Variants in RECK observed in about 807,000 individuals in gnomAD.
The protein encoded by RECK is reversion inducing cysteine rich protein with kazal motifs.
Under a neutral mutation model 115.1 loss-of-function variants are expected in RECK, and 69 were observed. The observed-to-expected ratio is 0.60, with a 90% CI of 0.49 to 0.73. The LOEUF (loss-of-function observed/expected upper bound fraction) is 0.73. Among genes scored for constraint, RECK ranks in the 30% least tolerant of loss-of-function variants. The probability of loss-of-function intolerance (pLI) is 0.00; values close to 1 mark genes in which losing one functional copy is unlikely to be tolerated. For synonymous variants in RECK, 414 were observed against 419.7 expected, an observed-to-expected ratio of 0.99 and a Z score of 0.17; for missense variants, 1,047 against 1,203.7, an observed-to-expected ratio of 0.87 and a Z score of 1.93.
rs1035683411 is a variant in RECK, at chr9:36,108,020, A to G, written c.1621A>G (p.Thr541Ala). ...EASDFIVRQG[T>A]LIQVPSSAGE... ...TTCTGATTTCATTGTCCGTCAAGGG[A>G]CACTAATCCAGGTGCCATCATCTGC... Residue 541 changes from threonine (T) to alanine (A), a missense_variant, in exon 14 of 21, where the codon ACA becomes GCA. By Grantham distance (58) the Thr-to-Ala change is moderately conservative (BLOSUM62 0). Coordinates refer to ENST00000377966, the MANE Select transcript of RECK (RefSeq NM_021111.3). The G allele has an allele frequency of 1.2e-6, 2 of 1,613,638 alleles. No homozygotes were observed. The highest frequency in any genetic ancestry group is 3.3e-5 in the Admixed American group (2 of 59,906).
chr9:36,112,606 G>T, intron 16 of RECK, 130 bp downstream of exon 16: 1 of 967,294 alleles, frequency 1.0e-6, no homozygotes, highest in South Asian at 1.7e-5. Context: ...TTGGAGTCTG[G>T]AGGGAAAGAG....
chr9:36,108,113 ATGCAC>A lies in RECK; in HGVS notation c.1717_1721del (p.His573TyrfsTer21). 1 of 1,614,064 alleles carries A rather than the reference ATGCAC, an allele frequency of 6.2e-7. No individual in the cohort carries two copies. Among genetic ancestry groups the A allele is most frequent in the Non-Finnish European group, 8.5e-7 (1 of 1,179,970 alleles). On this transcript the variant is annotated frameshift_variant, in exon 14 of 21. Transcript: ENST00000377966. LOFTEE classifies it high-confidence loss of function. ...TGGACTCTTAGAAAACTGTATGGAA[ATGCAC>A]TGTATAGACCTCCAGAAGTCTTGTA... is the stretch of plus-strand genomic sequence containing the variant.
intron 2 of RECK, among the ~76,000 whole-genome samples, chr9:36,054,689 G>A (rs2132568854): frequency 6.6e-6 from 1 of 152,070 alleles, no homozygotes; most frequent in East Asian, 1.9e-4. Flanking sequence ...TCACACTGCA[G>A]GCATTAAAAA....
intron 6 of RECK, among the ~76,000 whole-genome samples, chr9:36,078,305 T>C (rs919886972): frequency 2.6e-5 from 4 of 152,268 alleles, no homozygotes; most frequent in African/African-American, 9.6e-5. Context: ...TCTCCTTTAG[T>C]AGTACCTCTC....
rs563960174 is a variant in RECK, at chr9:36,054,283, G to C, written c.159+1960G>C. 2.0e-5 allele frequency among the ~76,000 whole-genome samples: 3 copies of C among 152,262 alleles called. No individual in the cohort carries two copies. The East Asian group carries it at 5.8e-4, about 29-fold the overall frequency. ...AGGTTAGGGAAAAGATATGGTTTGAGGAGAAGGTGAGCTGTTGAATTATCA... is the reference window on the plus strand; with the variant it reads ...AGGTTAGGGAAAAGATATGGTTTGACGAGAAGGTGAGCTGTTGAATTATCA... On this transcript the variant is annotated intron_variant, in intron 2 of 20. Coordinates refer to ENST00000377966, the MANE Select transcript of RECK (RefSeq NM_021111.3).
chr9:36,049,616 A>G (rs1394361908), intron 1 of RECK, among the ~76,000 whole-genome samples: 1 of 152,234 alleles, frequency 6.6e-6, no homozygotes, highest in African/African-American at 2.4e-5. Flanking sequence ...CAAGCTTGAT[A>G]GGTGAGACCA....
Position 36,087,879 on chromosome 9 carries a change from G to A in RECK, c.823G>A (p.Val275Ile), listed in dbSNP as rs16932912. The stretch of plus-strand genomic sequence containing the variant: ...AAGCTCACAATCTGTTCACCCTGGA[G>A]TCACTGTACACCCTCCTCCCTCTAC... ...LESSQSVHPG[V>I]TVHPPPSTGL... The change falls in exon 9 of 21, where the codon GTC (valine) becomes ATC (isoleucine). Residue 275 changes from valine to isoleucine, a missense_variant. Coordinates refer to ENST00000377966, the MANE Select transcript of RECK (RefSeq NM_021111.3). 0.076 allele frequency: 122,666 copies of A among 1,613,484 alleles called. 5,711 individuals are homozygous for A. Among genetic ancestry groups the A allele is most frequent in the East Asian group, 0.26 (11,803 of 44,848 alleles).
At chr9:36,101,708 TAGATAAGGA>T (rs978951362) in intron 11 of RECK, among the ~76,000 whole-genome samples, 166 of 152,242 alleles carry the variant, frequency 1.1e-3, no homozygotes, top group African/African-American at 3.8e-3. Context: ...AAAAGAGACT[TAGATAAGGA>T]AGGGAAGGCA....
At position 36,100,429 on chromosome 9, in the gene RECK, T is replaced by G. The variant is rs1281955060; in HGVS notation, c.1184T>G (p.Ile395Ser). ...WEKGSIKMPFINIPVLDIKKC... is the reference protein window; with the variant it reads ...WEKGSIKMPFSNIPVLDIKKC... The stretch of plus-strand genomic sequence containing the variant: ...AAAGGAAGCATAAAGATGCCATTTA[T>G]CAATATACCTGTTCTTGATATTAAA... Residue 395 changes from isoleucine to serine, a missense_variant, in exon 11 of 21, where the codon ATC becomes AGC. Coordinates refer to ENST00000377966, the MANE Select transcript of RECK (RefSeq NM_021111.3). 1 of 1,614,082 alleles carries G rather than the reference T, an allele frequency of 6.2e-7. No individual in the cohort carries two copies. Among genetic ancestry groups the G allele is most frequent in the South Asian group, 1.1e-5 (1 of 91,082 alleles).
At chr9:36,059,099 T>C (rs991116205) in intron 3 of RECK, among the ~76,000 whole-genome samples, 198 bp downstream of exon 3, 3 of 152,246 alleles carry the variant, frequency 2.0e-5, no homozygotes, top group Admixed American at 1.3e-4. Flanking sequence ...TTTATTATCC[T>C]ATGATATAAA....
intron 10 of RECK, among the ~76,000 whole-genome samples, chr9:36,092,739 T>G (rs180830394): frequency 6.6e-6 from 1 of 151,834 alleles, no homozygotes; most frequent in Non-Finnish European, 1.5e-5. Flanking sequence ...GCCACATTTG[T>G]GCACTTCTTC....
rs1369029374 is a variant in RECK at position 36,112,411 on chromosome 9, G to A, written c.1995G>A (p.Gln665=). The A allele has an allele frequency of 1.2e-6, 2 of 1,614,032 alleles. No homozygotes were observed. Among genetic ancestry groups the A allele is most frequent in the East Asian group, 2.2e-5 (1 of 44,888 alleles). Residue 665 remains glutamine (Q), a synonymous_variant, in exon 16 of 21, where the codon CAG becomes CAA. Coordinates refer to ENST00000377966, the MANE Select transcript of RECK (RefSeq NM_021111.3). ...GCTGTGTGGGCCTCCAAGACCATCA[G>A]TTTGAGTTTGGATCATGCATGTCAA... The part of the protein sequence containing the change: ...IARCVGLQDH[Q]FEFGSCMSKD...
intron 2 of RECK, among the ~76,000 whole-genome samples, chr9:36,056,342 G>A (rs931390266): frequency 3.3e-5 from 5 of 151,912 alleles, no homozygotes; most frequent in African/African-American, 1.2e-4. Flanking sequence ...GGTTTTTTTA[G>A]TTTGGATCAG....
At chr9:36,063,985 C>T (rs920060955) in intron 5 of RECK, 105 bp downstream of exon 5, 48 of 1,037,996 alleles carry the variant, frequency 4.6e-5, no homozygotes, top group African/African-American at 8.0e-5. Flanking sequence ...AGAGGTAACC[C>T]GTAAAAACTG....
At position 36,109,974 on chromosome 9, in the gene RECK, A is replaced by G; in HGVS notation, c.1783A>G (p.Ser595Gly). The G allele has an allele frequency of 6.2e-7, 1 of 1,613,014 alleles. No individual in the cohort carries two copies. Among genetic ancestry groups the G allele is most frequent in the Non-Finnish European group, 8.5e-7 (1 of 1,178,966 alleles). The part of the protein sequence containing the change: ...GKRKSHGTSF[S>G]IDCNVCSCFA... ...TCTGTCAGGTCATGGAACATCCTTT[A>G]GTATTGACTGCAATGTCTGTTCTTG... Residue 595 changes from serine (S) to glycine (G), a missense_variant, in exon 15 of 21, where the codon AGT becomes GGT. Transcript: ENST00000377966.
At position 36,087,739 on chromosome 9, in the gene RECK, C is replaced by T; in HGVS notation, c.683C>T (p.Ala228Val). The T allele has an allele frequency of 6.2e-7, 1 of 1,613,926 alleles. No homozygotes were observed. The highest frequency in any genetic ancestry group is 8.5e-7 in the Non-Finnish European group (1 of 1,179,852). The change falls in exon 9 of 21, where the codon GCC (alanine) becomes GTC (valine). Residue 228 changes from alanine (A) to valine (V), a missense_variant. Coordinates refer to ENST00000377966, the MANE Select transcript of RECK (RefSeq NM_021111.3). ...GCTGAAGACCATGCTTGCCAAAATG[C>T]CTGCAAGAGAATCCTGATGTCCAAG... ...DRAEDHACQN[A>V]CKRILMSKKT...
At chr9:36,088,743 G>C (rs1449673330) in intron 9 of RECK, among the ~76,000 whole-genome samples, 1 of 152,234 alleles carries the variant, frequency 6.6e-6, no homozygotes, top group Non-Finnish European at 1.5e-5. Flanking sequence ...TGAAGGTCGG[G>C]CGCGGTGGCT....
intron 6 of RECK, chr9:36,066,955 T>A: frequency 2.2e-6 from 2 of 892,952 alleles, no homozygotes; most frequent in Non-Finnish European, 3.1e-6. Context: ...GGCCTAGAAT[T>A]AAGCAACCAT....
chr9:36,037,971 A>G (rs1820733797), intron 1 of RECK, among the ~76,000 whole-genome samples: 3 of 144,108 alleles, frequency 2.1e-5, no homozygotes, highest in Admixed American at 7.2e-5. Context: ...GGTGAAGTGC[A>G]TTGCTTACAG....
Sources: allele counts gnomAD v4.1 joint callset (sites outside exome capture counted in the v4.1 genomes callset), GRCh38; gene constraint gnomAD v4.1.1; transcripts MANE v1.5; gene names NCBI Gene and HGNC (gene_info 2026-07-23, HGNC 2026-07-21).